SACS: variants seen among roughly 807,000 people sequenced by gnomAD.
SACS encodes the protein sacsin.
In SACS, 197 loss-of-function variants were observed where a neutral mutation model predicts 348.0. The observed-to-expected ratio is 0.57, with a 90% CI of 0.50 to 0.64. The LOEUF (loss-of-function observed/expected upper bound fraction) is 0.64, where lower values mean the gene tolerates loss of function less well. SACS is among the 30% of genes least tolerant of loss of function. The pLI is 0.00. For missense variants in SACS, 4,999 were observed against 5,360.8 expected, an observed-to-expected ratio of 0.93 and a Z score of 2.11; for synonymous variants, 1,985 against 1,910.6, an observed-to-expected ratio of 1.04 and a Z score of -1.02.
intron 9 of SACS, among the ~76,000 whole-genome samples, chr13:23,343,691 T>A (rs970753766): frequency 4.6e-5 from 7 of 152,058 alleles, no homozygotes; most frequent in African/African-American, 1.7e-4. Context: ...CTCAAAAAAA[T>A]AAATAAATAA....
intron 2 of SACS, among the ~76,000 whole-genome samples, chr13:23,410,725 TA>T (rs1452048531): frequency 6.6e-6 from 1 of 152,128 alleles, no homozygotes; most frequent in African/African-American, 2.4e-5. Flanking sequence ...AAAATAAGCA[TA>T]TATTCTTATA....
chr13:23,347,894 T>C (rs1477017059), intron 9 of SACS, among the ~76,000 whole-genome samples: 4 of 152,044 alleles, frequency 2.6e-5, no homozygotes, highest in South Asian at 2.1e-4. Flanking sequence ...CAAATATCAA[T>C]AGAACCTTCC....
At chr13:23,351,576 A>G (rs1395681320) in intron 9 of SACS, among the ~76,000 whole-genome samples, 8 of 152,168 alleles carry the variant, frequency 5.3e-5, no homozygotes, top group Non-Finnish European at 1.2e-4. Context: ...CATGATTCTA[A>G]GGTCTCCCCA....
Position 23,411,408 on chromosome 13 carries a change from G to T in SACS, c.-169C>A, listed in dbSNP as rs563181332. On this transcript the variant is annotated 5_prime_UTR_variant, in exon 2 of 10. Transcript: ENST00000382292. ...CTTCAGTGTCCATTCATCATCTGAT[G>T]TCAGGAAACATTGTCGTGTGTTGCA... 1.5e-5 allele frequency: 10 copies of T among 666,572 alleles called. No individual in the cohort carries two copies. The African/African-American group carries it at 1.8e-4, about 12-fold the overall frequency. The allele number at this position is 666,572 out of a possible 1,614,324, so 41.3% of individuals were successfully genotyped here.
chr13:23,423,427 T>C (rs1359510742), intron 1 of SACS, among the ~76,000 whole-genome samples: 4 of 152,124 alleles, frequency 2.6e-5, no homozygotes, highest in African/African-American at 9.7e-5. Flanking sequence ...CTATCACTAA[T>C]AACAAAAAAC....
chr13:23,416,124 T>C (rs1405938764), intron 1 of SACS, among the ~76,000 whole-genome samples: 1 of 151,556 alleles, frequency 6.6e-6, no homozygotes, highest in Non-Finnish European at 1.5e-5. Context: ...TACTAAAAAA[T>C]ACAAAAAATT....
rs920658146 is a variant in SACS, at chr13:23,329,965, G to T, written c.*171C>A. 1 of 651,468 alleles carries T rather than the reference G, an allele frequency of 1.5e-6. No homozygotes were observed. Among genetic ancestry groups the T allele is most frequent in the East Asian group, 2.8e-5 (1 of 36,336 alleles). The allele number at this position is 651,468 out of a possible 1,614,324, so 40.4% of individuals were successfully genotyped here. A position where few individuals can be genotyped will look rare whatever the true frequency, so the allele number is the denominator to read the frequency against. On this transcript the variant is annotated 3_prime_UTR_variant, in exon 10 of 10. Transcript: ENST00000382292. ...TCAAAATAGTTTTCTTTTAGATTCA[G>T]TTAAGGTTTTCCGTTGGTATTCATG... is the stretch of plus-strand genomic sequence containing the variant.
Position 23,354,641 on chromosome 13 carries a change from G to A in SACS, c.1971C>T (p.Asp657=), listed in dbSNP as rs1870208518. 2 of 1,614,066 alleles carry A rather than the reference G, an allele frequency of 1.2e-6. No individual in the cohort carries two copies. Among genetic ancestry groups the A allele is most frequent in the East Asian group, 2.2e-5 (1 of 44,896 alleles). ...KLHLLEFVLS[D]QAYSELLGLE... ...GCCCAAGCAGCTCACTGTAGGCTTG[G>A]TCAGAAAGCACAAATTCTAGAAGGT... Residue 657 remains aspartate (D), a synonymous_variant, in exon 8 of 10, where the codon GAC becomes GAT. Transcript: ENST00000382292.
chr13:23,368,800 G>A (rs892292701), intron 4 of SACS, among the ~76,000 whole-genome samples: 1 of 152,112 alleles, frequency 6.6e-6, no homozygotes, highest in Non-Finnish European at 1.5e-5. Context: ...CTGGGTTCAT[G>A]CCATTCTCCT....
rs534962111 is a variant in SACS at position 23,391,391 on chromosome 13, G to A, written c.21-16122C>T. Among the ~76,000 whole-genome samples, 14 of 152,272 alleles carry A rather than the reference G, an allele frequency of 9.2e-5. No individual in the cohort carries two copies. In the South Asian group the frequency reaches 2.9e-3, roughly 32 times the overall value. On this transcript the variant is annotated intron_variant, in intron 2 of 9. Coordinates refer to ENST00000382292, the MANE Select transcript of SACS (RefSeq NM_014363.6). ...TCAGGTTGGCCTCTTTGGGCAACAGGGCTGTGGTCACTTTGGTTGCAGGTG... is the reference window on the plus strand; with the variant it reads ...TCAGGTTGGCCTCTTTGGGCAACAGAGCTGTGGTCACTTTGGTTGCAGGTG...
At chr13:23,426,379 G>T (rs1278886554) in intron 1 of SACS, among the ~76,000 whole-genome samples, 1 of 152,254 alleles carries the variant, frequency 6.6e-6, no homozygotes, top group South Asian at 2.1e-4. Context: ...AGTGGCCCAC[G>T]CCTGTAATCC....
At chr13:23,393,886 G>A (rs562718389) in intron 2 of SACS, among the ~76,000 whole-genome samples, 4 of 151,958 alleles carry the variant, frequency 2.6e-5, no homozygotes, top group East Asian at 1.9e-4. Flanking sequence ...TCAGCCTCCC[G>A]AGTAGCTGGG....
rs1868580726 is a variant in SACS at position 23,336,256 on chromosome 13, A to T, written c.7620T>A (p.Pro2540=). The part of the protein sequence containing the change: ...SRIKSILNAY[P]SEKEMLKELL... The stretch of plus-strand genomic sequence containing the variant: ...GCTCTTTCAACATTTCCTTTTCAGA[A>T]GGATATGCATTAAGGATGCTCTTAA... The change falls in exon 10 of 10, where the codon CCT becomes CCA. Residue 2540 remains proline, a synonymous_variant. Coordinates refer to ENST00000382292, the MANE Select transcript of SACS (RefSeq NM_014363.6). 1 of 1,613,966 alleles carries T rather than the reference A, an allele frequency of 6.2e-7. No individual in the cohort carries two copies. Among genetic ancestry groups the T allele is most frequent in the Admixed American group, 1.7e-5 (1 of 60,000 alleles).
Position 23,355,819 on chromosome 13 carries a change from T to C in SACS, c.793A>G (p.Asn265Asp). The change falls in exon 8 of 10, where the codon AAT becomes GAT. Residue 265 changes from asparagine (N) to aspartate (D), a missense_variant. Around this residue, in one of 6 missense-constraint regions of SACS, gnomAD observed 3,156 missense variants for 3,380.1 expected, o/e 0.93. Coordinates refer to ENST00000382292, the MANE Select transcript of SACS (RefSeq NM_014363.6). ...AAACGGAAAAATGTTCCTGGAAAATTGCCGTTTATAAATGTTTCCTTGGTG... is the reference window on the plus strand; with the variant it reads ...AAACGGAAAAATGTTCCTGGAAAATCGCCGTTTATAAATGTTTCCTTGGTG... Reference protein sequence around the residue: ...GSTKETFINGNFPGTFFRFPL... With the variant: ...GSTKETFINGDFPGTFFRFPL... 1.2e-6 allele frequency: 2 copies of C among 1,614,206 alleles called. No homozygotes were observed. The highest frequency in any genetic ancestry group is 8.5e-7 in the Non-Finnish European group (1 of 1,180,032).
Position 23,340,515 on chromosome 13 carries a change from G to C in SACS, c.3361C>G (p.Gln1121Glu). The C allele has an allele frequency of 1.2e-6, 2 of 1,611,450 alleles. No individual in the cohort carries two copies. Among genetic ancestry groups the C allele is most frequent in the South Asian group, 1.1e-5 (1 of 90,578 alleles). The change falls in exon 10 of 10, where the codon CAA (glutamine) becomes GAA (glutamate). Residue 1121 changes from glutamine to glutamate, a missense_variant. Transcript: ENST00000382292. ...EALQVGACPD[Q>E]DVLLKKAKTL... is the part of the protein sequence containing the mutation. ...TTGGCTTTCTTCAGAAGAACATCTT[G>C]ATCAGGACAAGCACCGACCTGTAAG...
At chr13:23,357,299 C>T (rs902486908) in intron 7 of SACS, among the ~76,000 whole-genome samples, 2 of 151,894 alleles carry the variant, frequency 1.3e-5, no homozygotes, top group Non-Finnish European at 2.9e-5. Flanking sequence ...GAGGTGGACA[C>T]GAGTATTAAT....
chr13:23,359,748 T>C (rs1870614854), intron 6 of SACS, among the ~76,000 whole-genome samples: 1 of 152,154 alleles, frequency 6.6e-6, no homozygotes, highest in Non-Finnish European at 1.5e-5. Context: ...TAAAGTATGA[T>C]GATCTTGAGG....
chr13:23,336,059 T>C lies in SACS; in HGVS notation c.7817A>G (p.Asn2606Ser), dbSNP rs1191066514. The C allele has an allele frequency of 1.2e-6, 2 of 1,612,136 alleles. No individual in the cohort carries two copies. The highest frequency in any genetic ancestry group is 1.7e-6 in the Non-Finnish European group (2 of 1,178,510). The part of the protein sequence containing the change: ...FTEDDVRGIQ[N>S]LGKGTKEGNP... Reference sequence around the variant, plus strand: ...TCCCTCTTTCGTGCCTTTTCCAAGATTCTGAATTCCTCTAACATCATCTTC... The same window carrying C: ...TCCCTCTTTCGTGCCTTTTCCAAGACTCTGAATTCCTCTAACATCATCTTC... The change falls in exon 10 of 10, where the codon AAT becomes AGT. Residue 2606 changes from asparagine (N) to serine (S), a missense_variant. Asn to Ser is a conservative substitution (Grantham distance 46, BLOSUM62 1). Coordinates refer to ENST00000382292, the MANE Select transcript of SACS (RefSeq NM_014363.6).
chr13:23,332,492 G>A lies in SACS; in HGVS notation c.11384C>T (p.Ala3795Val), dbSNP rs1883543693. ...CCAACCATCTTCTACCATCACAAAA[G>A]CAACCCCTCGCAACTGAAAACGAAA... is the stretch of plus-strand genomic sequence containing the variant. ...REFRFQLRGV[A>V]FVMVEDGWKL... The change falls in exon 10 of 10, where the codon GCT becomes GTT. Residue 3795 changes from alanine (A) to valine (V), a missense_variant. This residue lies in a region of SACS where 831 missense variants were observed against 941.8 expected (regional missense o/e 0.88). Coordinates refer to ENST00000382292, the MANE Select transcript of SACS (RefSeq NM_014363.6). 1 of 1,613,884 alleles carries A rather than the reference G, an allele frequency of 6.2e-7. No homozygotes were observed. The highest frequency in any genetic ancestry group is 8.5e-7 in the Non-Finnish European group (1 of 1,179,882).
Sources: gnomAD v4.1 joint callset for allele counts (sites outside exome capture counted in the v4.1 genomes callset) on GRCh38, gnomAD v4.1.1 for gene constraint, gnomAD v4.1.1 regional missense constraint, MANE v1.5 for transcripts, NCBI Gene and HGNC (gene_info 2026-07-23, HGNC 2026-07-21) for gene names.